EYA1: variants seen among roughly 807,000 people sequenced by gnomAD.
EYA1 encodes EYA transcriptional coactivator and phosphatase 1.
Under a neutral mutation model 82.0 loss-of-function variants are expected in EYA1, and 16 were observed. The ratio of observed to expected loss-of-function variants is 0.20; its 90% confidence interval spans 0.13 to 0.30. The LOEUF (loss-of-function observed/expected upper bound fraction) is 0.30, where lower values mean the gene tolerates loss of function less well. Ranked by LOEUF, EYA1 falls within the 10% of genes least tolerant of loss-of-function variation. EYA1 has a pLI of 1.00. For missense variants in EYA1, 633 were observed against 730.7 expected, an observed-to-expected ratio of 0.87 and a Z score of 1.54; for synonymous variants, 261 against 264.4, an observed-to-expected ratio of 0.99 and a Z score of 0.12.
intron 2 of EYA1, among the ~76,000 whole-genome samples, chr8:71,385,864 T>G (rs552667120): frequency 2.0e-5 from 3 of 152,272 alleles, no homozygotes; most frequent in Admixed American, 2.0e-4. Context: ...GCATAAATAT[T>G]CATAGGGAAA....
chr8:71,398,257 G>A (rs1232153712), intron 2 of EYA1, among the ~76,000 whole-genome samples: 1 of 151,190 alleles, frequency 6.6e-6, no homozygotes. Context: ...GCTCAGATAA[G>A]TTTGTTATTA....
chr8:71,317,245 G>T (rs1232597861), intron 7 of EYA1, among the ~76,000 whole-genome samples: 1 of 152,088 alleles, frequency 6.6e-6, no homozygotes, highest in African/African-American at 2.4e-5. Flanking sequence ...GCTGACTTTT[G>T]ACTTTTTCAT....
intron 3 of EYA1, among the ~76,000 whole-genome samples, chr8:71,343,035 G>A (rs1198344282): frequency 6.6e-6 from 1 of 152,094 alleles, no homozygotes; most frequent in African/African-American, 2.4e-5. Flanking sequence ...AAGAGAAGGA[G>A]GTTTTATTAG....
intron 2 of EYA1, among the ~76,000 whole-genome samples, chr8:71,508,927 A>G (rs141286300): frequency 3.8e-4 from 58 of 152,286 alleles, no homozygotes; most frequent in African/African-American, 9.9e-4. Context: ...TCATAAAAAT[A>G]TATTTTGGTT....
chr8:71,468,320 C>T (rs1808925142), intron 2 of EYA1, among the ~76,000 whole-genome samples: 1 of 152,050 alleles, frequency 6.6e-6, no homozygotes, highest in Non-Finnish European at 1.5e-5. Context: ...GGTTTAGCTC[C>T]TATCTTTTGA....
intron 2 of EYA1, chr8:71,470,836 A>C (rs1209977800): frequency 2.2e-6 from 1 of 453,058 alleles, no homozygotes; most frequent in African/African-American, 2.0e-5. Flanking sequence ...GTACTACATG[A>C]TGAAAAAAAT....
intron 11 of EYA1, among the ~76,000 whole-genome samples, chr8:71,263,997 C>T (rs1475413937): frequency 6.6e-6 from 1 of 152,198 alleles, no homozygotes; most frequent in East Asian, 1.9e-4. Context: ...GTTGCTTTTG[C>T]ACTACTAAGG....
intron 11 of EYA1, among the ~76,000 whole-genome samples, chr8:71,245,654 A>G (rs1051812082): frequency 3.3e-5 from 5 of 152,068 alleles, no homozygotes; most frequent in Admixed American, 1.3e-4. Context: ...ACAGCCCTGC[A>G]CTATAGGTTA....
intron 2 of EYA1, chr8:71,403,834 T>C (rs1035646958): frequency 4.6e-5 from 7 of 152,156 alleles, no homozygotes; most frequent in African/African-American, 1.7e-4. Flanking sequence ...GAGAAAGCCA[T>C]AAAAGTATAC....
At chr8:71,394,066 CTGTT>C (rs1359620452) in intron 2 of EYA1, among the ~76,000 whole-genome samples, 2 of 152,112 alleles carry the variant, frequency 1.3e-5, no homozygotes, top group East Asian at 3.8e-4. Flanking sequence ...TTTTCAGTGT[CTGTT>C]GGCTGCATAA....
Position 71,248,348 on chromosome 8 carries a change from A to G in EYA1, c.1051-3656T>C, listed in dbSNP as rs1313174918. On this transcript the variant is annotated intron_variant, in intron 11 of 17. Coordinates refer to ENST00000340726, the MANE Select transcript of EYA1 (RefSeq NM_000503.6). The stretch of plus-strand genomic sequence containing the variant: ...AGCAGTATTTTTCAGACATCTTTGA[A>G]CCACAATGCTCAGTAAAAAACACAA... Among the ~76,000 whole-genome samples the G allele has an allele frequency of 2.6e-5, 4 of 152,218 alleles. No individual in the cohort carries two copies. In the East Asian group the frequency reaches 5.8e-4, roughly 22 times the overall value.
In EYA1 at chr8:71,328,536, G is replaced by A. The variant is rs978586093; in HGVS notation, c.202+5561C>T. On this transcript the variant is annotated intron_variant, in intron 4 of 17. Transcript: ENST00000340726. ...AGCTAAGCCCTTCTCCAAGGCCCTC[G>A]CTTCTCCTGTGTATCTTTTTCAAGT... Among the ~76,000 whole-genome samples the A allele has an allele frequency of 7.2e-5, 11 of 152,138 alleles. No individual in the cohort carries two copies. The Middle Eastern group carries it at 0.014, about 188-fold the overall frequency.
At chr8:71,362,284 T>TAA (rs35162278), upstream of EYA1, 7,069 of 653,890 alleles carry the variant, frequency 0.011, 2 homozygotes, top group South Asian at 0.023. Flanking sequence ...CCTTGCTGTT[T>TAA]AAAAAAAAAA....
intron 12 of EYA1, among the ~76,000 whole-genome samples, chr8:71,218,757 T>C (rs925302327): frequency 6.6e-6 from 1 of 152,090 alleles, no homozygotes; most frequent in African/African-American, 2.4e-5. Flanking sequence ...GAGTAGAAAT[T>C]TCTGATATTT....
intron 2 of EYA1, among the ~76,000 whole-genome samples, chr8:71,531,773 G>A (rs1209985711): frequency 1.3e-5 from 2 of 152,164 alleles, no homozygotes; most frequent in African/African-American, 2.4e-5. Flanking sequence ...AAACAGAGGA[G>A]TGGCCAAGAT....
intron 2 of EYA1, among the ~76,000 whole-genome samples, chr8:71,386,144 A>G (rs574393444): frequency 6.6e-6 from 1 of 152,308 alleles, no homozygotes; most frequent in Admixed American, 6.5e-5. Context: ...ATACTTCTTT[A>G]GTTTCTTCAA....
chr8:71,419,079 C>T (rs1244856971), intron 2 of EYA1, among the ~76,000 whole-genome samples: 1 of 152,092 alleles, frequency 6.6e-6, no homozygotes, highest in Non-Finnish European at 1.5e-5. Context: ...ATATGCAGAG[C>T]CTTCTGGCCC....
At chr8:71,232,957 C>A (rs1811372461) in intron 12 of EYA1, among the ~76,000 whole-genome samples, 1 of 152,202 alleles carries the variant, frequency 6.6e-6, no homozygotes, top group African/African-American at 2.4e-5. Context: ...AATTCTCACA[C>A]TGACCCGATG....
intron 7 of EYA1, 123 bp downstream of exon 7, chr8:71,317,429 C>G (rs983167771): frequency 2.0e-6 from 2 of 1,013,580 alleles, no homozygotes; most frequent in Non-Finnish European, 3.1e-6. Context: ...AGCAGGTGTC[C>G]TGCCTCTAAG....
Sources: allele counts gnomAD v4.1 joint callset (sites outside exome capture counted in the v4.1 genomes callset), GRCh38; gene constraint gnomAD v4.1.1; transcripts MANE v1.5; gene names NCBI Gene and HGNC (gene_info 2026-07-23, HGNC 2026-07-21).